The following POTEE variants were observed in gnomAD, a reference collection of about 807,000 sequenced individuals.
POTEE encodes the protein POTE ankyrin domain family member E.
POTEE carries 21 observed loss-of-function variants against 74.2 expected under a neutral mutation model. The ratio of observed to expected loss-of-function variants is 0.28; its 90% confidence interval spans 0.20 to 0.41. POTEE has a LOEUF of 0.41. Ranked by LOEUF, POTEE falls within the 10% of genes least tolerant of loss-of-function variation. The probability of loss-of-function intolerance (pLI) is 1.00; values close to 1 mark genes in which losing one functional copy is unlikely to be tolerated. For missense variants in POTEE, 525 were observed against 1,158.6 expected (o/e 0.45, Z 7.94); for synonymous variants, 211 against 432.8 (o/e 0.49, Z 6.36).
intron 8 of POTEE, chr2:131,229,713 G>C (rs1327457218): frequency 6.6e-6 from 1 of 152,140 alleles, no homozygotes; most frequent in Non-Finnish European, 1.5e-5. Flanking sequence ...TCCATATTTT[G>C]TGCAGTCACT....
chr2:131,225,685 A>AG (rs1408123160), intron 6 of POTEE, among the ~76,000 whole-genome samples: 1 of 131,144 alleles, frequency 7.6e-6, no homozygotes, highest in African/African-American at 3.1e-5. Context: ...CTCCAACCTC[A>AG]GTTTTTTTTT....
intron 17 of POTEE, among the ~76,000 whole-genome samples, chr2:131,263,017 G>T (rs1309169715): frequency 6.6e-6 from 1 of 151,620 alleles, no homozygotes; most frequent in Admixed American, 6.6e-5. Flanking sequence ...ATGCCTCTGG[G>T]TTTTTTGTAA....
At chr2:131,251,335 A>G (rs919307726) in intron 14 of POTEE, among the ~76,000 whole-genome samples, 3 of 16,282 alleles carry the variant, frequency 1.8e-4, no homozygotes, top group African/African-American at 3.3e-4. Flanking sequence ...TATTAACAGA[A>G]GAATCAATAG....
rs7425410 is a variant in POTEE, at chr2:131,263,974, C to T, written c.2519C>T (p.Pro840Leu). The T allele has an allele frequency of 8.8e-3, 11,689 of 1,327,738 alleles. 3 individuals are homozygous for T. The African/African-American group carries it at 0.12, about 14-fold the overall frequency. 82.2% of individuals were successfully genotyped at this position (1,327,738 alleles called of 1,614,324 possible). A position where few individuals can be genotyped will look rare whatever the true frequency, so the allele number is the denominator to read the frequency against. The change falls in exon 18 of 18, where the codon CCG becomes CTG. Residue 840 changes from proline to leucine, a missense_variant. Transcript: ENST00000683005. The part of the protein sequence containing the change: ...PAMYVAIQAV[P>L]SLYTSGRTTG... ...ATGTACGTGGCCATCCAGGCCGTGCCGTCCCTGTACACCTCTGGCCGTACT... is the reference window on the plus strand; with the variant it reads ...ATGTACGTGGCCATCCAGGCCGTGCTGTCCCTGTACACCTCTGGCCGTACT...
chr2:131,210,523 A>C (rs574105676), intron 1 of POTEE, among the ~76,000 whole-genome samples: 1 of 151,534 alleles, frequency 6.6e-6, no homozygotes, highest in Non-Finnish European at 1.5e-5. Flanking sequence ...TCCTTCGGGT[A>C]ACTCTTCTCT....
chr2:131,235,796 A>C (rs1438536669), intron 9 of POTEE, among the ~76,000 whole-genome samples: 3 of 145,066 alleles, frequency 2.1e-5, no homozygotes, highest in African/African-American at 8.3e-5. Flanking sequence ...CTGGCTCAAA[A>C]AAAAAAAAAA....
intron 12 of POTEE, among the ~76,000 whole-genome samples, chr2:131,239,829 G>A (rs1217535263): frequency 6.6e-6 from 1 of 152,286 alleles, no homozygotes; most frequent in South Asian, 2.1e-4. Context: ...TCCCTCCCGC[G>A]ACGCTCCACC....
In POTEE at chr2:131,231,437, C is replaced by G. The variant is rs556749812; in HGVS notation, c.1126+531C>G. 5.3e-5 allele frequency among the ~76,000 whole-genome samples: 8 copies of G among 152,170 alleles called. 1 individual carries two copies. The highest frequency in any genetic ancestry group is 2.1e-4 in the South Asian group (1 of 4,826). ...TAATAGTCCATGGACTGGTATGAGT[C>G]TGTGGCCTGGGAGTTGAGGACCCCT... On this transcript the variant is annotated intron_variant, in intron 9 of 17. Coordinates refer to ENST00000683005, the MANE Select transcript of POTEE (RefSeq NM_001083538.3).
chr2:131,211,552 T>G (rs1199577975), intron 2 of POTEE, among the ~76,000 whole-genome samples: 10 of 25,070 alleles, frequency 4.0e-4, no homozygotes, highest in Admixed American at 1.2e-3. Context: ...CTTTTTTTTT[T>G]TTTTTTTTTT....
At position 131,238,242 on chromosome 2, in the gene POTEE, T is replaced by G; in HGVS notation, c.1242+4T>G. The G allele has an allele frequency of 6.3e-7, 1 of 1,579,812 alleles. No individual in the cohort carries two copies. The highest frequency in any genetic ancestry group is 8.6e-7 in the Non-Finnish European group (1 of 1,167,844). On this transcript the variant is annotated splice_donor_region_variant and intron_variant, in intron 11 of 17. Coordinates refer to ENST00000683005, the MANE Select transcript of POTEE (RefSeq NM_001083538.3). ...AAATAAGGATGGTGATAGAGAGGTA[T>G]ACCTTCATATTCAAATGTTTCTGTT... is the stretch of plus-strand genomic sequence containing the variant.
chr2:131,212,780 T>C, intron 2 of POTEE, among the ~76,000 whole-genome samples: 1 of 149,304 alleles, frequency 6.7e-6, no homozygotes, highest in African/African-American at 2.5e-5. Context: ...GTCAGGCTGG[T>C]CTTGAACTCC....
Position 131,211,174 on chromosome 2 carries a change from G to A in POTEE, c.-198G>A, listed in dbSNP as rs934424451. On this transcript the variant is annotated 5_prime_UTR_variant, in exon 2 of 18. Transcript: ENST00000683005. ...ATGGCAGCCACGGAGACTGCAGCTC[G>A]ACAGGAGTGGTAGGAGGGTGCCCGC... is the stretch of plus-strand genomic sequence containing the variant. Among the ~76,000 whole-genome samples the A allele has an allele frequency of 3.3e-5, 5 of 151,704 alleles. No homozygotes were observed. Among genetic ancestry groups the A allele is most frequent in the East Asian group, 1.9e-4 (1 of 5,156 alleles).
intron 2 of POTEE, among the ~76,000 whole-genome samples, chr2:131,215,744 A>G (rs1700432251): frequency 7.3e-6 from 1 of 137,532 alleles, no homozygotes; most frequent in Non-Finnish European, 1.5e-5. Flanking sequence ...TTAAATAACA[A>G]CTAGACCAAG....
rs1027169402 is a variant in POTEE, at chr2:131,209,566, A to G, written c.-598A>G. On this transcript the variant is annotated 5_prime_UTR_variant, in exon 1 of 18. Coordinates refer to ENST00000683005, the MANE Select transcript of POTEE (RefSeq NM_001083538.3). The stretch of plus-strand genomic sequence containing the variant: ...AGGCTCTTAAGTGTGGGCGTTTGGT[A>G]ACCGGCATGGCTGCTACCTGTTTCT... Among the ~76,000 whole-genome samples the G allele has an allele frequency of 6.6e-6, 1 of 152,210 alleles. No homozygotes were observed. The highest frequency in any genetic ancestry group is 1.5e-5 in the Non-Finnish European group (1 of 68,030).
At chr2:131,224,632 T>C (rs1038529278) in intron 6 of POTEE, among the ~76,000 whole-genome samples, 2 of 152,034 alleles carry the variant, frequency 1.3e-5, no homozygotes, top group African/African-American at 4.8e-5. Context: ...TGTGTGTTGT[T>C]GTTGTTGACT....
chr2:131,213,016 G>A (rs1201586732), intron 2 of POTEE, among the ~76,000 whole-genome samples: 3 of 150,060 alleles, frequency 2.0e-5, no homozygotes, highest in Admixed American at 6.6e-5. Context: ...GCTGTAGTAC[G>A]ATGGCCCGAT....
intron 4 of POTEE, among the ~76,000 whole-genome samples, chr2:131,220,078 G>A (rs1397986162): frequency 6.6e-6 from 1 of 151,596 alleles, no homozygotes; most frequent in Non-Finnish European, 1.5e-5. Flanking sequence ...TTCATGTTTG[G>A]AGAAAACTAG....
chr2:131,256,949 TATC>T (rs1701592753), intron 16 of POTEE, among the ~76,000 whole-genome samples: 2 of 152,426 alleles, frequency 1.3e-5, no homozygotes, highest in Admixed American at 6.5e-5. Context: ...CAAAGTGATT[TATC>T]ATCTTTAACT....
At chr2:131,230,673 TAAAG>T (rs1700924681) in intron 8 of POTEE, among the ~76,000 whole-genome samples, 159 bp from the exon 9 acceptor site, 1 of 152,166 alleles carries the variant, frequency 6.6e-6, no homozygotes, top group African/African-American at 2.4e-5. Flanking sequence ...ATTAGAAGCT[TAAAG>T]AGAAGTTTGT....
Sources: gnomAD v4.1 joint callset for allele counts (sites outside exome capture counted in the v4.1 genomes callset) on GRCh38, gnomAD v4.1.1 for gene constraint, MANE v1.5 for transcripts, NCBI Gene and HGNC (gene_info 2026-07-23, HGNC 2026-07-21) for gene names.